Variants in RIT1 observed in about 807,000 individuals in gnomAD.
The protein encoded by RIT1 is GTP-binding protein Rit1.
Under a neutral mutation model 25.6 loss-of-function variants are expected in RIT1, and 6 were observed. That is an observed-to-expected ratio of 0.23 (90% CI 0.13 to 0.46). RIT1 has a LOEUF of 0.46. Ranked by LOEUF, RIT1 falls within the 20% of genes least tolerant of loss-of-function variation. The probability of loss-of-function intolerance (pLI) is 0.99; values close to 1 mark genes in which losing one functional copy is unlikely to be tolerated. For missense variants in RIT1, 219 were observed against 284.4 expected (o/e 0.77, Z 1.65); for synonymous variants, 81 against 94.1 (o/e 0.86, Z 0.80).
At chr1:155,910,416 T>C (rs1287911968) in intron 3 of RIT1, 34 bp downstream of exon 3, 2 of 1,540,298 alleles carry the variant, frequency 1.3e-6, no homozygotes, top group Non-Finnish European at 1.8e-6. Flanking sequence ...TTTTATGGGG[T>C]ATATTTGGAA....
chr1:155,909,086 AAAT>A (rs913616471), intron 3 of RIT1, among the ~76,000 whole-genome samples: 4 of 151,880 alleles, frequency 2.6e-5, no homozygotes, highest in African/African-American at 9.7e-5. Context: ...CACATACTGA[AAAT>A]AATAAGGCCC....
At chr1:155,904,686 C>A (rs1673397606) in intron 4 of RIT1, 45 bp downstream of exon 4, 1 of 1,434,348 alleles carries the variant, frequency 7.0e-7, no homozygotes, top group Non-Finnish European at 9.8e-7. Context: ...CTCCCCTTTG[C>A]TAGAGTAAAA....
At chr1:155,906,779 AAAAAAG>A (rs1553229176) in intron 3 of RIT1, among the ~76,000 whole-genome samples, 1 of 123,310 alleles carries the variant, frequency 8.1e-6, no homozygotes, top group African/African-American at 2.9e-5. Flanking sequence ...AAAAAAAAAA[AAAAAAG>A]AAAAAAAGAA....
At position 155,899,337 on chromosome 1, in the gene RIT1, T is replaced by C. The variant is rs1247638119; in HGVS notation, c.*1051A>G. ...GACCCATTCAACAGAAATAGCAGAT[T>C]TTCTCAGAGCACTGAGTCTAGTGAT... On this transcript the variant is annotated 3_prime_UTR_variant, in exon 6 of 6. Transcript: ENST00000368323. The C allele has an allele frequency of 4.5e-6, 1 of 221,158 alleles. No individual in the cohort carries two copies. Among genetic ancestry groups the C allele is most frequent in the Non-Finnish European group, 9.1e-6 (1 of 110,138 alleles). 13.7% of individuals were successfully genotyped at this position (221,158 alleles called of 1,614,324 possible).
At chr1:155,904,929 G>A in intron 3 of RIT1, 125 bp from the exon 4 acceptor site, 1 of 660,754 alleles carries the variant, frequency 1.5e-6, no homozygotes, top group East Asian at 2.6e-5. Context: ...TTCTCAGGAA[G>A]CATGCTAAAT....
intron 3 of RIT1, among the ~76,000 whole-genome samples, chr1:155,908,203 C>G (rs1336387411): frequency 2.0e-5 from 3 of 151,790 alleles, no homozygotes; most frequent in Non-Finnish European, 4.4e-5. Flanking sequence ...CGCCTGTAAT[C>G]CCAGCACTTT....
At chr1:155,904,238 G>A (rs889885779) in intron 5 of RIT1, 73 bp downstream of exon 5, 1 of 1,206,252 alleles carries the variant, frequency 8.3e-7, no homozygotes, top group East Asian at 2.4e-5. Context: ...GCCAAGCCAA[G>A]AATCTGTAAG....
At chr1:155,908,615 T>G (rs1213323216) in intron 3 of RIT1, among the ~76,000 whole-genome samples, 1 of 147,658 alleles carries the variant, frequency 6.8e-6, no homozygotes, top group African/African-American at 2.5e-5. Context: ...CAGGCTGGAG[T>G]GTGATGGCAC....
chr1:155,908,715 A>G (rs1014328898), intron 3 of RIT1, among the ~76,000 whole-genome samples: 1 of 151,144 alleles, frequency 6.6e-6, no homozygotes, highest in African/African-American at 2.4e-5. Context: ...GGCACCCAGC[A>G]CCACGCCCGG....
At chr1:155,901,949 C>G (rs1246307147) in intron 5 of RIT1, among the ~76,000 whole-genome samples, 1 of 152,166 alleles carries the variant, frequency 6.6e-6, no homozygotes, top group Non-Finnish European at 1.5e-5. Flanking sequence ...AACCCCATCT[C>G]TACTAAAATA....
At chr1:155,903,787 T>C (rs938453733) in intron 5 of RIT1, among the ~76,000 whole-genome samples, 5 of 152,186 alleles carry the variant, frequency 3.3e-5, no homozygotes, top group African/African-American at 1.2e-4. Context: ...GGCAGGAGGA[T>C]CACTTGAGTC....
In RIT1 at chr1:155,900,375, T is replaced by G. The variant is rs768376601; in HGVS notation, c.*13A>C. ...GCACTGCAGTTCACAGATAAACACT[T>G]CACATCTTCTCTTCAAGTTACTGAA... is the stretch of plus-strand genomic sequence containing the variant. On this transcript the variant is annotated 3_prime_UTR_variant, in exon 6 of 6. Coordinates refer to ENST00000368323, the MANE Select transcript of RIT1 (RefSeq NM_006912.6). The G allele has an allele frequency of 6.3e-7, 1 of 1,597,776 alleles. No homozygotes were observed. Among genetic ancestry groups the G allele is most frequent in the South Asian group, 1.1e-5 (1 of 90,734 alleles).
Position 155,900,463 on chromosome 1 carries a change from T to C in RIT1, c.585A>G (p.Lys195=), listed in dbSNP as rs746581657. ...ATACACTGTTTTTGGGCTTAGATTT[T>C]TTCTCCATGGCCAGTACTGCCTCCT... ...KEKEAVLAME[K]KSKPKNSVWK... Residue 195 remains lysine (K), a synonymous_variant, in exon 6 of 6, where the codon AAA becomes AAG. Coordinates refer to ENST00000368323, the MANE Select transcript of RIT1 (RefSeq NM_006912.6). 6.2e-7 allele frequency: 1 copy of C among 1,614,182 alleles called. No homozygotes were observed.
intron 3 of RIT1, among the ~76,000 whole-genome samples, chr1:155,907,023 A>G (rs923341246): frequency 1.3e-5 from 2 of 151,662 alleles, no homozygotes; most frequent in African/African-American, 2.4e-5. Context: ...CGGGAGGATC[A>G]CCTGAACCCA....
chr1:155,904,194 C>G, intron 5 of RIT1, 117 bp downstream of exon 5: 1 of 778,840 alleles, frequency 1.3e-6, no homozygotes, highest in Non-Finnish European at 2.0e-6. Flanking sequence ...CTCACCCAGC[C>G]TGATTTTCTA....
At position 155,910,515 on chromosome 1, in the gene RIT1, G is replaced by C. The variant is rs200597833; in HGVS notation, c.107-9C>G. The stretch of plus-strand genomic sequence containing the variant: ...GAACTGCATGGTCATGGCTTCAAAA[G>C]AAGAAATAAAAGTCAAATCCTCACA... On this transcript the variant is annotated splice_polypyrimidine_tract_variant and intron_variant, in intron 2 of 5. Coordinates refer to ENST00000368323, the MANE Select transcript of RIT1 (RefSeq NM_006912.6). 57 of 1,614,014 alleles carry C rather than the reference G, an allele frequency of 3.5e-5. No homozygotes were observed. Among genetic ancestry groups the C allele is most frequent in the Admixed American group, 1.8e-4 (11 of 59,982 alleles).
chr1:155,905,063 T>C (rs1673407825), intron 3 of RIT1, among the ~76,000 whole-genome samples: 1 of 152,222 alleles, frequency 6.6e-6, no homozygotes, highest in Admixed American at 6.5e-5. Context: ...TCTGAGAAGA[T>C]GTCTTTCTTA....
chr1:155,909,158 G>A (rs769901118), intron 3 of RIT1, among the ~76,000 whole-genome samples: 1 of 151,596 alleles, frequency 6.6e-6, no homozygotes, highest in Non-Finnish European at 1.5e-5. Flanking sequence ...GGCAGATCAC[G>A]AGGTCAGGAG....
At chr1:155,910,289 G>A in intron 3 of RIT1, 161 bp downstream of exon 3, 1 of 614,294 alleles carries the variant, frequency 1.6e-6, no homozygotes, top group Non-Finnish European at 2.8e-6. Flanking sequence ...GAAAAAAAAA[G>A]AAATATTCAG....
Sources: gnomAD v4.1 joint callset for allele counts (sites outside exome capture counted in the v4.1 genomes callset) on GRCh38, gnomAD v4.1.1 for gene constraint, MANE v1.5 for transcripts, NCBI Gene and HGNC (gene_info 2026-07-23, HGNC 2026-07-21) for gene names.